MCTP1: variants seen among roughly 807,000 people sequenced by gnomAD.
The protein encoded by MCTP1 is multiple C2 and transmembrane domain-containing protein 1.
Under a neutral mutation model 120.6 loss-of-function variants are expected in MCTP1, and 69 were observed. That is an observed-to-expected ratio of 0.57 (90% CI 0.47 to 0.70). MCTP1 has a LOEUF of 0.70. Ranked by LOEUF, MCTP1 falls within the 30% of genes least tolerant of loss-of-function variation. The probability of loss-of-function intolerance (pLI) is 0.00; values close to 1 mark genes in which losing one functional copy is unlikely to be tolerated. For missense variants in MCTP1, 1,203 were observed against 1,248.8 expected (o/e 0.96, Z 0.55); for synonymous variants, 529 against 493.1 (o/e 1.07, Z -0.96).
At chr5:94,861,694 G>C (rs1448855655) in intron 17 of MCTP1, among the ~76,000 whole-genome samples, 1 of 151,792 alleles carries the variant, frequency 6.6e-6, no homozygotes, top group Non-Finnish European at 1.5e-5. Flanking sequence ...AATCACAATT[G>C]CAAAGTAGAA....
chr5:94,936,873 T>C (rs1816326563), intron 5 of MCTP1, among the ~76,000 whole-genome samples: 1 of 152,010 alleles, frequency 6.6e-6, no homozygotes, highest in Admixed American at 6.6e-5. Context: ...GAATTTCCAA[T>C]GGGGGAATCT....
chr5:95,195,115 GGA>G (rs1750233017), intron 1 of MCTP1, among the ~76,000 whole-genome samples: 1 of 152,176 alleles, frequency 6.6e-6, no homozygotes, highest in African/African-American at 2.4e-5. Context: ...GGTGGCACCA[GGA>G]GAGTCCTCAT....
chr5:94,866,703 A>G (rs1038102398), intron 17 of MCTP1, among the ~76,000 whole-genome samples: 3 of 151,690 alleles, frequency 2.0e-5, no homozygotes, highest in Non-Finnish European at 4.4e-5. Flanking sequence ...CTCAAGTAAT[A>G]TCATGTAAAT....
intron 12 of MCTP1, among the ~76,000 whole-genome samples, chr5:94,875,163 G>A (rs183598514): frequency 6.6e-6 from 1 of 152,252 alleles, no homozygotes; most frequent in African/African-American, 2.4e-5. Context: ...ACAAAGATGG[G>A]AAAGGTAAAA....
At chr5:95,145,301 T>G (rs1297574180) in intron 1 of MCTP1, among the ~76,000 whole-genome samples, 1 of 152,096 alleles carries the variant, frequency 6.6e-6, no homozygotes, top group African/African-American at 2.4e-5. Flanking sequence ...TTTGGTGCAG[T>G]CTTTTGGGGT....
At chr5:95,267,103 A>G (rs1758962650) in intron 1 of MCTP1, among the ~76,000 whole-genome samples, 1 of 152,234 alleles carries the variant, frequency 6.6e-6, no homozygotes, top group Non-Finnish European at 1.5e-5. Flanking sequence ...GTCTGAGAAA[A>G]TATACAGGAA....
intron 18 of MCTP1, among the ~76,000 whole-genome samples, chr5:94,788,313 A>G (rs1778185374): frequency 6.6e-6 from 1 of 152,222 alleles, no homozygotes; most frequent in Non-Finnish European, 1.5e-5. Flanking sequence ...TATGTACACA[A>G]GGGTAGAAAC....
chr5:94,791,442 C>G (rs1778938301), intron 18 of MCTP1, among the ~76,000 whole-genome samples: 1 of 151,910 alleles, frequency 6.6e-6, no homozygotes, highest in African/African-American at 2.4e-5. Flanking sequence ...CTGCAGTGAG[C>G]TATGATGGCA....
chr5:94,890,840 A>G (rs1339435453), intron 11 of MCTP1, among the ~76,000 whole-genome samples: 1 of 152,244 alleles, frequency 6.6e-6, no homozygotes, highest in Non-Finnish European at 1.5e-5. Context: ...TACACTTCAT[A>G]GCATTTTTCT....
chr5:94,983,841 C>T (rs1021947604), intron 2 of MCTP1, among the ~76,000 whole-genome samples: 6 of 152,240 alleles, frequency 3.9e-5, no homozygotes, highest in Middle Eastern at 3.4e-3. Flanking sequence ...AAATGTCAGC[C>T]GAAGCTGAGC....
intron 2 of MCTP1, among the ~76,000 whole-genome samples, chr5:94,991,283 T>C (rs948309254): frequency 6.6e-6 from 1 of 152,226 alleles, no homozygotes; most frequent in African/African-American, 2.4e-5. Context: ...TGTCACCGTA[T>C]TGATTTTTTG....
intron 1 of MCTP1, among the ~76,000 whole-genome samples, chr5:95,243,259 T>C (rs1001229612): frequency 1.3e-5 from 2 of 152,000 alleles, no homozygotes; most frequent in African/African-American, 2.4e-5. Context: ...AAAATATAAG[T>C]TTTCAGACCC....
At chr5:95,076,681 C>T (rs148704201) in intron 1 of MCTP1, among the ~76,000 whole-genome samples, 1 of 152,024 alleles carries the variant, frequency 6.6e-6, no homozygotes, top group East Asian at 1.9e-4. Flanking sequence ...CCACAGAAAT[C>T]AAATGTATTT....
intron 1 of MCTP1, among the ~76,000 whole-genome samples, chr5:95,223,555 C>T (rs1224927524): frequency 1.3e-5 from 2 of 152,092 alleles, no homozygotes; most frequent in Admixed American, 1.3e-4. Context: ...TAACAAATGG[C>T]TCATGGTCAT....
intron 20 of MCTP1, among the ~76,000 whole-genome samples, chr5:94,712,534 A>G (rs1003736935): frequency 6.6e-5 from 10 of 152,076 alleles, no homozygotes; most frequent in Middle Eastern, 3.4e-3. Flanking sequence ...CCTTTGTGGC[A>G]TGTAGCTTGC....
intron 19 of MCTP1, among the ~76,000 whole-genome samples, chr5:94,743,141 TAA>T (rs11327016): frequency 0.23 from 31,990 of 138,868 alleles, 3,629 homozygotes; most frequent in South Asian, 0.28. Context: ...TAACCCAATG[TAA>T]AAAAAAAAAA....
intron 19 of MCTP1, among the ~76,000 whole-genome samples, chr5:94,732,800 G>A (rs1235752750): frequency 6.6e-6 from 1 of 152,146 alleles, no homozygotes; most frequent in East Asian, 1.9e-4. Flanking sequence ...CACTGGATCT[G>A]CCAGAGTCTC....
At chr5:94,905,534 T>G (rs546646310) in intron 10 of MCTP1, among the ~76,000 whole-genome samples, 1 of 152,122 alleles carries the variant, frequency 6.6e-6, no homozygotes, top group African/African-American at 2.4e-5. Flanking sequence ...ATAGAGATGA[T>G]GAGCGGTCGA....
At chr5:95,279,109 C>T (rs1382350640) in intron 1 of MCTP1, among the ~76,000 whole-genome samples, 1 of 152,050 alleles carries the variant, frequency 6.6e-6, no homozygotes, top group Admixed American at 6.5e-5. Flanking sequence ...GTTATGTGGA[C>T]ATATTATTTA....
Sources: gnomAD v4.1 joint callset for allele counts (sites outside exome capture counted in the v4.1 genomes callset) on GRCh38, gnomAD v4.1.1 for gene constraint, MANE v1.5 for transcripts, NCBI Gene and HGNC (gene_info 2026-07-23, HGNC 2026-07-21) for gene names.